The following AGBL3 variants were observed in gnomAD, a reference collection of about 807,000 sequenced individuals.
The protein encoded by AGBL3 is AGBL carboxypeptidase 3.
A neutral mutation model predicts 94.5 loss-of-function variants in AGBL3; 68 were observed. The ratio of observed to expected loss-of-function variants is 0.72; its 90% CI spans 0.59 to 0.88. AGBL3 has a LOEUF of 0.88. AGBL3 is among the 40% of genes least tolerant of loss of function. The pLI is 0.00. For synonymous variants in AGBL3, 354 were observed against 370.7 expected (o/e 0.95, Z 0.52); for missense variants, 934 against 1,103.8 (o/e 0.85, Z 2.18).
At chr7:135,083,312 C>T (rs1162216376) in intron 15 of AGBL3, among the ~76,000 whole-genome samples, 1 of 152,126 alleles carries the variant, frequency 6.6e-6, no homozygotes, top group African/African-American at 2.4e-5. Context: ...ACTATACAAC[C>T]TCACCACCTA....
chr7:135,101,174 G>A (rs1335258110), intron 15 of AGBL3: 1 of 455,892 alleles, frequency 2.2e-6, no homozygotes, highest in South Asian at 1.6e-5. Context: ...TTCCCCTCAA[G>A]GGAACTGATT....
intron 5 of AGBL3, among the ~76,000 whole-genome samples, chr7:135,017,916 T>C (rs1813989282): frequency 6.6e-6 from 1 of 152,196 alleles, no homozygotes; most frequent in South Asian, 2.1e-4. Context: ...AATTTGATTG[T>C]GAATATTTAC....
intron 11 of AGBL3, among the ~76,000 whole-genome samples, chr7:135,053,970 AAC>A (rs1461640428): frequency 1.3e-5 from 2 of 152,202 alleles, no homozygotes; most frequent in Admixed American, 6.5e-5. Flanking sequence ...TGATATGAAC[AAC>A]AGTTATGATA....
intron 4 of AGBL3, chr7:135,011,013 G>C (rs1181588938): frequency 6.6e-6 from 1 of 151,938 alleles, no homozygotes; most frequent in Admixed American, 6.5e-5. Context: ...CTCTTAAAAG[G>C]ACAAAAAAAT....
At chr7:134,989,693 G>A (rs991502252) in intron 3 of AGBL3, among the ~76,000 whole-genome samples, 12 of 152,156 alleles carry the variant, frequency 7.9e-5, no homozygotes, top group Non-Finnish European at 1.6e-4. Context: ...CTGAACATGT[G>A]TGTGGACATC....
At chr7:135,035,956 G>A (rs1241172080) in intron 7 of AGBL3, among the ~76,000 whole-genome samples, 2 of 151,956 alleles carry the variant, frequency 1.3e-5, no homozygotes, top group Non-Finnish European at 2.9e-5. Flanking sequence ...GAATTTATTA[G>A]GCAGCAAATG....
rs531641377 is a variant in AGBL3, at chr7:135,075,254, C to G, written c.1909-1143C>G. Among the ~76,000 whole-genome samples the G allele has an allele frequency of 2.0e-5, 3 of 152,326 alleles. No individual in the cohort carries two copies. The South Asian group carries it at 6.2e-4, about 32-fold the overall frequency. ...CCTTGCAGTTATCCCCTGGCAACCA[C>G]AAATCTGTTCCGCATTTCTGTAAAT... On this transcript the variant is annotated intron_variant, in intron 12 of 16. Transcript: ENST00000436302.
intron 15 of AGBL3, among the ~76,000 whole-genome samples, chr7:135,100,519 G>T (rs182936764): frequency 6.6e-6 from 1 of 152,150 alleles, no homozygotes; most frequent in Non-Finnish European, 1.5e-5. Flanking sequence ...ACAACAGAGA[G>T]ACCATGGTAT....
chr7:135,130,351 G>A (rs1367598007), intron 16 of AGBL3, among the ~76,000 whole-genome samples: 1 of 152,070 alleles, frequency 6.6e-6, no homozygotes, highest in Non-Finnish European at 1.5e-5. Flanking sequence ...ATTTATTAAT[G>A]GTGTATATGC....
At chr7:135,049,488 T>C (rs1397859996) in intron 11 of AGBL3, among the ~76,000 whole-genome samples, 1 of 151,994 alleles carries the variant, frequency 6.6e-6, no homozygotes, top group Non-Finnish European at 1.5e-5. Flanking sequence ...TAAGAAGGAT[T>C]GGCATTAATT....
At chr7:135,070,403 C>T (rs1260720198) in intron 12 of AGBL3, among the ~76,000 whole-genome samples, 3 of 152,188 alleles carry the variant, frequency 2.0e-5, no homozygotes, top group African/African-American at 4.8e-5. Context: ...GATACCAAAG[C>T]TTGGCAGAGA....
chr7:134,993,760 G>A (rs1177489789), intron 4 of AGBL3, 82 bp downstream of exon 4: 43 of 1,202,612 alleles, frequency 3.6e-5, no homozygotes, highest in Non-Finnish European at 1.6e-5. Flanking sequence ...GACTCACAAT[G>A]TTAGAAAACA....
At chr7:135,089,596 C>T (rs148562137) in intron 15 of AGBL3, among the ~76,000 whole-genome samples, 1 of 152,270 alleles carries the variant, frequency 6.6e-6, no homozygotes, top group African/African-American at 2.4e-5. Context: ...GTGGTATAGT[C>T]TCCATGAAGT....
At chr7:134,999,874 G>A (rs6946926) in intron 4 of AGBL3, among the ~76,000 whole-genome samples, 141,880 of 152,320 alleles carry the variant, frequency 0.93, 66,865 homozygotes, top group East Asian at 1. Flanking sequence ...ATGTAGTACA[G>A]TAGTCTTCCA....
chr7:135,007,685 G>A (rs1584804185), intron 4 of AGBL3, among the ~76,000 whole-genome samples: 1 of 151,908 alleles, frequency 6.6e-6, no homozygotes, highest in East Asian at 1.9e-4. Context: ...AGAAAGAGAA[G>A]TTTAAAAAGT....
At chr7:135,059,309 C>T (rs1818619965) in intron 12 of AGBL3, 74 bp downstream of exon 12, 2 of 874,912 alleles carry the variant, frequency 2.3e-6, no homozygotes, top group Admixed American at 3.4e-5. Flanking sequence ...AATAATCAGG[C>T]AAAAAAAATT....
chr7:135,116,970 C>G (rs1475447145), intron 16 of AGBL3, among the ~76,000 whole-genome samples: 1 of 152,126 alleles, frequency 6.6e-6, no homozygotes, highest in Admixed American at 6.5e-5. Context: ...AAAAAGAAAA[C>G]CCAGGAGACA....
rs745581351 is a variant in AGBL3 at position 135,129,756 on chromosome 7, G to A, written c.2343-5085G>A. The A allele has an allele frequency of 2.1e-3, 1,404 of 676,032 alleles. 2 individuals carry two copies. The highest frequency in any genetic ancestry group is 2.7e-3 in the Non-Finnish European group (962 of 359,400). The allele number at this position is 676,032 out of a possible 1,614,324, so 41.9% of individuals were successfully genotyped here. On this transcript the variant is annotated intron_variant, in intron 16 of 16. Transcript: ENST00000436302. ...CCTAATCTTTTGTCAAGTACACAAA[G>A]TAACCCTGCAGGATATTTAGGGTAC...
chr7:135,004,468 T>C (rs1812131465), intron 4 of AGBL3, among the ~76,000 whole-genome samples: 1 of 151,730 alleles, frequency 6.6e-6, no homozygotes, highest in Admixed American at 6.6e-5. Flanking sequence ...GTTTCAATAA[T>C]GTTTTAATTA....
Sources: gnomAD v4.1 joint callset for allele counts (sites outside exome capture counted in the v4.1 genomes callset) on GRCh38, gnomAD v4.1.1 for gene constraint, MANE v1.5 for transcripts, NCBI Gene and HGNC (gene_info 2026-07-23, HGNC 2026-07-21) for gene names.